Variants in GABBR2 observed in about 807,000 individuals in gnomAD.
The protein encoded by GABBR2 is G-protein coupled receptor 51.
GABBR2 carries 23 observed loss-of-function variants against 105.6 expected under a neutral mutation model. That is an observed-to-expected ratio of 0.22 (90% CI 0.16 to 0.31). The LOEUF (loss-of-function observed/expected upper bound fraction) is 0.31. Among genes scored for constraint, GABBR2 ranks in the 10% least tolerant of loss-of-function variants. The probability of loss-of-function intolerance (pLI) is 1.00; values close to 1 mark genes in which losing one functional copy is unlikely to be tolerated. For missense variants in GABBR2, 734 were observed against 1,245.5 expected, an observed-to-expected ratio of 0.59 and a Z score of 6.18; for synonymous variants, 478 against 499.7, an observed-to-expected ratio of 0.96 and a Z score of 0.58.
chr9:98,297,959 A>C lies in GABBR2; in HGVS notation c.2542+1265T>G, dbSNP rs558109898. On this transcript the variant is annotated intron_variant, in intron 17 of 18. Coordinates refer to ENST00000259455, the MANE Select transcript of GABBR2 (RefSeq NM_005458.8). ...GAATTGCTTGAACAATTCTCCAGTG[A>C]GAATTCTCCAGTGAGAAGGTTGCAG... Among the ~76,000 whole-genome samples the C allele has an allele frequency of 3.3e-5, 5 of 150,698 alleles. No individual in the cohort carries two copies. The South Asian group carries it at 1.1e-3, about 32-fold the overall frequency.
At chr9:98,350,120 A>C (rs1288616389) in intron 13 of GABBR2, among the ~76,000 whole-genome samples, 1 of 138,406 alleles carries the variant, frequency 7.2e-6, no homozygotes. Flanking sequence ...CATTTTCTTT[A>C]TTTTCATCTT....
intron 1 of GABBR2, 82 bp downstream of exon 1, chr9:98,708,334 CA>C: frequency 1.6e-6 from 2 of 1,278,648 alleles, no homozygotes; most frequent in Non-Finnish European, 2.0e-6. Context: ...GGGATCTGAC[CA>C]AAGGCCGGAG....
At position 98,293,917 on chromosome 9, in the gene GABBR2, A is replaced by G. The variant is rs752611090; in HGVS notation, c.2543-15T>C. ...CTTTCCTCCATCTGAATGCAAAACA[A>G]CAATACCACAACATGTTCGGTTAAC... On this transcript the variant is annotated splice_polypyrimidine_tract_variant and intron_variant, in intron 17 of 18. Coordinates refer to ENST00000259455, the MANE Select transcript of GABBR2 (RefSeq NM_005458.8). 2.2e-6 allele frequency: 3 copies of G among 1,363,474 alleles called. No homozygotes were observed. Among genetic ancestry groups the G allele is most frequent in the East Asian group, 2.3e-5 (1 of 43,726 alleles). 84.5% of individuals were successfully genotyped at this position (1,363,474 alleles called of 1,614,324 possible).
chr9:98,440,504 C>A (rs1192575217), intron 7 of GABBR2, among the ~76,000 whole-genome samples: 1 of 152,002 alleles, frequency 6.6e-6, no homozygotes, highest in Admixed American at 6.6e-5. Context: ...CCTTATAGTC[C>A]CCCACTTCCC....
At chr9:98,645,491 C>T (rs543523962) in intron 1 of GABBR2, among the ~76,000 whole-genome samples, 1 of 152,136 alleles carries the variant, frequency 6.6e-6, no homozygotes, top group South Asian at 2.1e-4. Flanking sequence ...GGAGGGCTAC[C>T]CTGCACCTTC....
At chr9:98,363,349 C>T (rs547315727) in intron 12 of GABBR2, among the ~76,000 whole-genome samples, 1 of 152,288 alleles carries the variant, frequency 6.6e-6, no homozygotes, top group East Asian at 1.9e-4. Context: ...TGAACACTTA[C>T]TCTGTGCCTG....
chr9:98,607,147 G>A (rs1829437410), intron 1 of GABBR2: 4 of 1,610,104 alleles, frequency 2.5e-6, no homozygotes, highest in African/African-American at 2.7e-5. Flanking sequence ...GTGGTGTTCA[G>A]TTGCTGCTCA....
chr9:98,468,550 T>C (rs1301026000), intron 6 of GABBR2, among the ~76,000 whole-genome samples: 1 of 152,162 alleles, frequency 6.6e-6, no homozygotes, highest in African/African-American at 2.4e-5. Context: ...TAAAAACTAA[T>C]GCAAGAAACC....
intron 1 of GABBR2, among the ~76,000 whole-genome samples, chr9:98,660,172 T>A (rs1830240110): frequency 6.6e-6 from 1 of 152,178 alleles, no homozygotes; most frequent in South Asian, 2.1e-4. Flanking sequence ...ATTTAGGATG[T>A]TTCCACTTTT....
rs75383984 is a variant in GABBR2 at position 98,584,042 on chromosome 9, G to C, written c.322-5970C>G. The stretch of plus-strand genomic sequence containing the variant: ...ACAGCAAGTTGTCTTTCTGTGATTT[G>C]GTTTTTGATGAATTGCTCTCAGAGC... On this transcript the variant is annotated intron_variant, in intron 1 of 18. Transcript: ENST00000259455. Among the ~76,000 whole-genome samples the C allele has an allele frequency of 8.8e-3, 1,341 of 152,244 alleles. 14 individuals carry two copies. Among genetic ancestry groups the C allele is most frequent in the African/African-American group, 0.03 (1,250 of 41,534 alleles).
chr9:98,571,376 G>A (rs910121975), intron 2 of GABBR2, among the ~76,000 whole-genome samples: 7 of 152,170 alleles, frequency 4.6e-5, no homozygotes, highest in African/African-American at 1.4e-4. Context: ...TTTCCCACAC[G>A]GGCAGCATCA....
rs183929090 is a variant in GABBR2 at position 98,317,853 on chromosome 9, G to A, written c.1894-6648C>T. ...TCAACAAACCACACAGTACAGTTAT[G>A]AATACAAACAGTGATAAATATTCCT... is the stretch of plus-strand genomic sequence containing the variant. On this transcript the variant is annotated intron_variant, in intron 13 of 18. Coordinates refer to ENST00000259455, the MANE Select transcript of GABBR2 (RefSeq NM_005458.8). Among the ~76,000 whole-genome samples, 3 of 152,318 alleles carry A rather than the reference G, an allele frequency of 2.0e-5. No individual in the cohort carries two copies. In the East Asian group the frequency reaches 5.8e-4, roughly 29 times the overall value.
intron 2 of GABBR2, among the ~76,000 whole-genome samples, chr9:98,574,253 A>C (rs1012934350): frequency 5.9e-5 from 9 of 152,334 alleles, no homozygotes; most frequent in African/African-American, 2.2e-4. Context: ...TTCCTCTCTA[A>C]ATAAGAGCTA....
At chr9:98,418,854 C>T (rs138705346) in intron 7 of GABBR2, among the ~76,000 whole-genome samples, 373 of 152,336 alleles carry the variant, frequency 2.4e-3, no homozygotes, top group African/African-American at 5.9e-3. Flanking sequence ...CATCACCAAG[C>T]CTCTGCCCAG....
chr9:98,425,564 T>C (rs763230365), intron 7 of GABBR2, among the ~76,000 whole-genome samples: 1 of 152,214 alleles, frequency 6.6e-6, no homozygotes, highest in African/African-American at 2.4e-5. Context: ...CTGGTCCTAC[T>C]GCAAGGCCAA....
At chr9:98,537,267 G>A (rs910328388) in intron 3 of GABBR2, among the ~76,000 whole-genome samples, 3 of 152,178 alleles carry the variant, frequency 2.0e-5, no homozygotes, top group South Asian at 2.1e-4. Flanking sequence ...CAAACACTGC[G>A]CTAAGTGAAA....
chr9:98,430,205 G>T (rs550030606), intron 7 of GABBR2, among the ~76,000 whole-genome samples: 1 of 149,642 alleles, frequency 6.7e-6, no homozygotes, highest in Non-Finnish European at 1.5e-5. Flanking sequence ...CAGGGGAATC[G>T]CTTGAACCCG....
Position 98,563,277 on chromosome 9 carries a change from C to A in GABBR2, c.459+14658G>T, listed in dbSNP as rs2131764044. ...CACAGAGGTTCTCCTGGATTCTGGG[C>A]CATGAGCTGGGCTCTAAGGTTCCCC... On this transcript the variant is annotated intron_variant, in intron 2 of 18. Transcript: ENST00000259455. Among the ~76,000 whole-genome samples the A allele has an allele frequency of 2.0e-5, 3 of 152,230 alleles. No individual in the cohort carries two copies. In the South Asian group the frequency reaches 6.2e-4, roughly 32 times the overall value.
At chr9:98,660,255 G>A (rs1286370319) in intron 1 of GABBR2, among the ~76,000 whole-genome samples, 2 of 152,152 alleles carry the variant, frequency 1.3e-5, no homozygotes. Context: ...GATCAGAGAA[G>A]ATACAGGTTT....
Sources: allele counts gnomAD v4.1 joint callset (sites outside exome capture counted in the v4.1 genomes callset), GRCh38; gene constraint gnomAD v4.1.1; transcripts MANE v1.5; gene names NCBI Gene and HGNC (gene_info 2026-07-23, HGNC 2026-07-21).